The following SEPHS1 variants were observed in gnomAD, a reference collection of about 807,000 sequenced individuals.
SEPHS1 encodes zincore component SEPHS1.
Under a neutral mutation model 39.2 loss-of-function variants are expected in SEPHS1, and 7 were observed. The observed-to-expected ratio is 0.18, with a 90% CI of 0.10 to 0.34. The LOEUF (loss-of-function observed/expected upper bound fraction) is 0.34. Among genes scored for constraint, SEPHS1 ranks in the 10% least tolerant of loss-of-function variants. SEPHS1 has a pLI of 1.00. For missense variants in SEPHS1, 253 were observed against 514.5 expected (o/e 0.49, Z 4.92); for synonymous variants, 190 against 195.5 (o/e 0.97, Z 0.23).
Position 13,338,756 on chromosome 10 carries a change from C to T in SEPHS1, c.246G>A (p.Leu82=), listed in dbSNP as rs367676128. The change falls in exon 3 of 9, where the codon TTG becomes TTA. Residue 82 remains leucine (L), a synonymous_variant. Transcript: ENST00000327347. ...GGTAAATGTAATCTGTGGTTTGAAC[C>T]AAGGAAAGCCCACCGTGCCTCAAAG... ...VIPLRHGGLS[L]VQTTDYIYPI... 2.5e-6 allele frequency: 4 copies of T among 1,614,148 alleles called. No homozygotes were observed. Among genetic ancestry groups the T allele is most frequent in the East Asian group, 2.2e-5 (1 of 44,884 alleles).
intron 3 of SEPHS1, among the ~76,000 whole-genome samples, chr10:13,337,765 C>G (rs978914142): frequency 6.6e-6 from 1 of 152,186 alleles, no homozygotes; most frequent in Non-Finnish European, 1.5e-5. Flanking sequence ...CATGTGGGAC[C>G]TGGGCTGTGG....
Position 13,344,963 on chromosome 10 carries a change from C to A in SEPHS1, c.-13G>T, listed in dbSNP as rs1427016930. The A allele has an allele frequency of 6.6e-7, 1 of 1,506,660 alleles. No homozygotes were observed. The highest frequency in any genetic ancestry group is 8.9e-7 in the Non-Finnish European group (1 of 1,119,362). 93.3% of individuals were successfully genotyped at this position (1,506,660 alleles called of 1,614,324 possible). Reference sequence around the variant, plus strand: ...CCCGCGTAGACATGGTTCTTGGGCCCCGCTCTCCTCACAGCTCAGCCCCTC... The same window carrying A: ...CCCGCGTAGACATGGTTCTTGGGCCACGCTCTCCTCACAGCTCAGCCCCTC... On this transcript the variant is annotated 5_prime_UTR_variant, in exon 2 of 9. Transcript: ENST00000327347.
intron 5 of SEPHS1, 54 bp downstream of exon 5, chr10:13,333,763 A>T: frequency 6.4e-7 from 1 of 1,571,846 alleles, no homozygotes; most frequent in Non-Finnish European, 8.7e-7. Flanking sequence ...TTTTAAAAAG[A>T]GAGGACAGAG....
chr10:13,331,798 G>A (rs538573269), intron 5 of SEPHS1, among the ~76,000 whole-genome samples: 20 of 152,146 alleles, frequency 1.3e-4, no homozygotes, highest in Admixed American at 3.9e-4. Flanking sequence ...AAAGATGCTC[G>A]GCCTCATCAG....
chr10:13,332,727 C>T (rs1198451079), intron 5 of SEPHS1, among the ~76,000 whole-genome samples: 1 of 151,702 alleles, frequency 6.6e-6, no homozygotes, highest in Non-Finnish European at 1.5e-5. Flanking sequence ...CCTGTAGTCC[C>T]AGCTACTCGG....
chr10:13,318,914 T>C lies in SEPHS1; in HGVS notation c.*228A>G. On this transcript the variant is annotated 3_prime_UTR_variant, in exon 9 of 9. Coordinates refer to ENST00000327347, the MANE Select transcript of SEPHS1 (RefSeq NM_012247.5). ...GAATCAACAGTATTGGATAACAATA[T>C]AATTCTCAACTCAGAAGCTGCCTCA... 1.9e-6 allele frequency: 1 copy of C among 532,636 alleles called. No homozygotes were observed. The highest frequency in any genetic ancestry group is 3.4e-5 in the East Asian group (1 of 29,730). The allele number at this position is 532,636 out of a possible 1,614,324, so 33.0% of individuals were successfully genotyped here. A position where few individuals can be genotyped will look rare whatever the true frequency, so the allele number is the denominator to read the frequency against.
rs750506188 is a variant in SEPHS1 at position 13,336,444 on chromosome 10, G to C, written c.298-94C>G. 3 of 925,346 alleles carry C rather than the reference G, an allele frequency of 3.2e-6. No individual in the cohort carries two copies. The South Asian group carries it at 4.1e-5, about 13-fold the overall frequency. 57.3% of individuals were successfully genotyped at this position (925,346 alleles called of 1,614,324 possible). A position where few individuals can be genotyped will look rare whatever the true frequency, so the allele number is the denominator to read the frequency against. On this transcript the variant is annotated intron_variant, in intron 3 of 8. Coordinates refer to ENST00000327347, the MANE Select transcript of SEPHS1 (RefSeq NM_012247.5). ...TGGAGTGGACTCCACAGAGAACGTG[G>C]AGACTTTCCAGGAGTAGCAGCTACT...
At chr10:13,324,586 C>G (rs961853713) in intron 7 of SEPHS1, among the ~76,000 whole-genome samples, 1 of 152,220 alleles carries the variant, frequency 6.6e-6, no homozygotes, top group Non-Finnish European at 1.5e-5. Context: ...TTCTCTACAT[C>G]CTTGCCAGCA....
In SEPHS1 at chr10:13,319,370, A is replaced by G; in HGVS notation, c.965-14T>C. On this transcript the variant is annotated splice_polypyrimidine_tract_variant and intron_variant, in intron 8 of 8. Coordinates refer to ENST00000327347, the MANE Select transcript of SEPHS1 (RefSeq NM_012247.5). ...TCAGAAGGCCGCCTGGCAAAAGAAA[A>G]CAAGAATGACTGTTAGTGTTGACAT... 6.2e-7 allele frequency: 1 copy of G among 1,612,040 alleles called. No individual in the cohort carries two copies.
intron 5 of SEPHS1, 131 bp from the exon 6 acceptor site, chr10:13,329,919 A>G: frequency 2.7e-6 from 2 of 740,984 alleles, no homozygotes; most frequent in South Asian, 3.5e-5. Context: ...GAAGCCAACT[A>G]CCAGCATGTA....
At chr10:13,343,540 G>T (rs1317423444) in intron 2 of SEPHS1, among the ~76,000 whole-genome samples, 3 of 152,190 alleles carry the variant, frequency 2.0e-5, no homozygotes, top group African/African-American at 7.2e-5. Flanking sequence ...TTGGCTGGGT[G>T]TGGTGGCTTA....
chr10:13,335,303 T>G (rs1412093650), intron 4 of SEPHS1, among the ~76,000 whole-genome samples: 1 of 152,238 alleles, frequency 6.6e-6, no homozygotes, highest in East Asian at 1.9e-4. Flanking sequence ...AAGTGCCACG[T>G]GTCCCACATC....
rs973487554 is a variant in SEPHS1, at chr10:13,320,152, A to T, written c.965-796T>A. On this transcript the variant is annotated intron_variant, in intron 8 of 8. Coordinates refer to ENST00000327347, the MANE Select transcript of SEPHS1 (RefSeq NM_012247.5). ...AAACAGTATAAAATACATTAAAATAAACCTTTGTTGCTCTTTCCAGTAAAT... is the reference window on the plus strand; with the variant it reads ...AAACAGTATAAAATACATTAAAATATACCTTTGTTGCTCTTTCCAGTAAAT... Among the ~76,000 whole-genome samples, 15 of 152,318 alleles carry T rather than the reference A, an allele frequency of 9.8e-5. 1 individual carries two copies. Among genetic ancestry groups the T allele is most frequent in the Admixed American group, 8.5e-4 (13 of 15,292 alleles).
At position 13,322,854 on chromosome 10, in the gene SEPHS1, C is replaced by T; in HGVS notation, c.945G>A (p.Gly315=). The T allele has an allele frequency of 1.2e-6, 2 of 1,613,734 alleles. No individual in the cohort carries two copies. The highest frequency in any genetic ancestry group is 1.7e-6 in the Non-Finnish European group (2 of 1,179,878). ...ACGNMFGLMH[G]TCPETSGGLL... ...CTGTACCTGAAGTCTCCGGGCAGGT[C>T]CCGTGCATGAGGCCGAACATGTTTC... The change falls in exon 8 of 9, where the codon GGG becomes GGA. Residue 315 remains glycine (G), a synonymous_variant. Coordinates refer to ENST00000327347, the MANE Select transcript of SEPHS1 (RefSeq NM_012247.5).
intron 2 of SEPHS1, among the ~76,000 whole-genome samples, chr10:13,343,745 C>T (rs1339002677): frequency 6.6e-6 from 1 of 152,020 alleles, no homozygotes; most frequent in Non-Finnish European, 1.5e-5. Flanking sequence ...ACCCAGGAGG[C>T]AGAGGTTGCA....
chr10:13,330,742 C>T (rs961284157), intron 5 of SEPHS1, among the ~76,000 whole-genome samples: 13 of 152,114 alleles, frequency 8.5e-5, no homozygotes, highest in African/African-American at 1.9e-4. Flanking sequence ...TCTGTGACTA[C>T]GCAAGAAACT....
At chr10:13,344,040 A>T (rs954733042) in intron 2 of SEPHS1, among the ~76,000 whole-genome samples, 5 of 152,324 alleles carry the variant, frequency 3.3e-5, no homozygotes, top group East Asian at 1.9e-4. Flanking sequence ...GTAGTAAAGA[A>T]AAAGACATTG....
At chr10:13,321,156 G>A (rs934652496) in intron 8 of SEPHS1, among the ~76,000 whole-genome samples, 1 of 152,128 alleles carries the variant, frequency 6.6e-6, no homozygotes, top group South Asian at 2.1e-4. Flanking sequence ...GCCTACTACG[G>A]AATCTCCCAG....
chr10:13,325,922 AAAAAAAAAAAAGAGACTCAGTCTC>A (rs1833258904), intron 7 of SEPHS1, among the ~76,000 whole-genome samples: 1 of 72,266 alleles, frequency 1.4e-5, no homozygotes, highest in Non-Finnish European at 2.3e-5. Context: ...AAAAAAAAAA[AAAAAAAAAAAAGAGACTCAGTCTC>A]AAAAAAAAAA....
Sources: gnomAD v4.1 joint callset for allele counts (sites outside exome capture counted in the v4.1 genomes callset) on GRCh38, gnomAD v4.1.1 for gene constraint, MANE v1.5 for transcripts, NCBI Gene and HGNC (gene_info 2026-07-23, HGNC 2026-07-21) for gene names.